IPO7: variants seen among roughly 807,000 people sequenced by gnomAD.
IPO7 encodes importin-7.
In IPO7, 13 loss-of-function variants were observed where a neutral mutation model predicts 136.4. That is an observed-to-expected ratio of 0.10 (90% confidence interval 0.06 to 0.15). The LOEUF (loss-of-function observed/expected upper bound fraction) is 0.15. Among genes scored for constraint, IPO7 ranks in the 10% least tolerant of loss-of-function variants. IPO7 has a pLI of 1.00. For missense variants in IPO7, 857 were observed against 1,240.6 expected, an observed-to-expected ratio of 0.69 and a Z score of 4.65; for synonymous variants, 403 against 404.4, an observed-to-expected ratio of 1.00 and a Z score of 0.04.
In IPO7 at chr11:9,429,042, A is replaced by G. The variant is rs776625073; in HGVS notation, c.1437A>G (p.Val479=). The part of the protein sequence containing the change: ...LGYMRARACW[V]LHYFCEVKFK... ...TGTTTTTACAAAAGGCTTGCTGGGTACTTCACTATTTTTGTGAAGTGAAGT... is the reference window on the plus strand; with the variant it reads ...TGTTTTTACAAAAGGCTTGCTGGGTGCTTCACTATTTTTGTGAAGTGAAGT... The change falls in exon 14 of 25, where the codon GTA becomes GTG. Residue 479 remains valine, a synonymous_variant. Transcript: ENST00000379719. 1.2e-6 allele frequency: 2 copies of G among 1,613,678 alleles called. No homozygotes were observed. Among genetic ancestry groups the G allele is most frequent in the African/African-American group, 1.3e-5 (1 of 75,036 alleles).
intron 16 of IPO7, 130 bp downstream of exon 16, chr11:9,431,133 T>C: frequency 1.7e-6 from 1 of 600,638 alleles, no homozygotes; most frequent in Non-Finnish European, 2.8e-6. Flanking sequence ...GATTGGTACA[T>C]TATATTTTAA....
chr11:9,434,990 G>A lies in IPO7; in HGVS notation c.2131G>A (p.Asp711Asn). The change falls in exon 19 of 25, where the codon GAC (aspartate) becomes AAC (asparagine). Residue 711 changes from aspartate (D) to asparagine (N), a missense_variant. Asp to Asn is a conservative substitution (Grantham distance 23). Around this residue, in one of 11 missense-constraint regions of IPO7, gnomAD observed 190 missense variants for 249.0 expected, o/e 0.76. Coordinates refer to ENST00000379719, the MANE Select transcript of IPO7 (RefSeq NM_006391.3). The stretch of plus-strand genomic sequence containing the variant: ...AGTTGATACAGACACACTTCTGTCT[G>A]ACACCAAGTATCTTGAAATGATATA... The part of the protein sequence containing the change: ...VTVDTDTLLS[D>N]TKYLEMIYSM... 6.2e-7 allele frequency: 1 copy of A among 1,608,684 alleles called. No individual in the cohort carries two copies. The highest frequency in any genetic ancestry group is 1.1e-5 in the South Asian group (1 of 90,928).
Position 9,414,375 on chromosome 11 carries a change from G to A in IPO7, c.600G>A (p.Gln200=). ...AGTCTGATCAGTCTGTCCTCATCCA[G>A]AAACAGATATTCAAGATCTTCTATG... The part of the protein sequence containing the change: ...SDQSDQSVLI[Q]KQIFKIFYAL... Residue 200 remains glutamine (Q), a synonymous_variant, in exon 5 of 25, where the codon CAG becomes CAA. Coordinates refer to ENST00000379719, the MANE Select transcript of IPO7 (RefSeq NM_006391.3). 6.2e-7 allele frequency: 1 copy of A among 1,610,498 alleles called. No homozygotes were observed. The highest frequency in any genetic ancestry group is 1.1e-5 in the South Asian group (1 of 90,544).
At chr11:9,408,220 TAAA>T (rs34260285) in intron 2 of IPO7, among the ~76,000 whole-genome samples, 1 of 150,992 alleles carries the variant, frequency 6.6e-6, no homozygotes, top group African/African-American at 2.4e-5. Flanking sequence ...GTTGTGACGT[TAAA>T]AAAAAACAGT....
intron 12 of IPO7, among the ~76,000 whole-genome samples, chr11:9,427,138 C>T (rs1855221432): frequency 6.6e-6 from 1 of 152,228 alleles, no homozygotes; most frequent in Non-Finnish European, 1.5e-5. Context: ...GCGTGAGCCA[C>T]TGTGCCTGGC....
intron 12 of IPO7, among the ~76,000 whole-genome samples, chr11:9,425,946 T>G (rs1448090320): frequency 6.6e-6 from 1 of 151,414 alleles, no homozygotes; most frequent in Non-Finnish European, 1.5e-5. Context: ...CTTAGGAGGC[T>G]GAGGCAGGAG....
chr11:9,429,279 CT>C, intron 14 of IPO7, 83 bp downstream of exon 14: 1 of 1,179,572 alleles, frequency 8.5e-7, no homozygotes, highest in Non-Finnish European at 1.2e-6. Flanking sequence ...CTTCGGTAGG[CT>C]TAGGTGGGAA....
rs1855530701 is a variant in IPO7, at chr11:9,446,504, G to GCTTGCTTCCCTCT, written c.*1314_*1326dup. ...GCAAAAAGATACTGTAGAGAGGTTGGCTTGCTTCCCTCTCTTCCTAACTGC... is the reference window on the plus strand; with the variant it reads ...GCAAAAAGATACTGTAGAGAGGTTGGCTTGCTTCCCTCTCTTGCTTCCCTCTCTTCCTAACTGC... On this transcript the variant is annotated 3_prime_UTR_variant, in exon 25 of 25. Transcript: ENST00000379719. The GCTTGCTTCCCTCT allele has an allele frequency of 6.6e-6, 1 of 152,244 alleles. No individual in the cohort carries two copies. The highest frequency in any genetic ancestry group is 6.5e-5 in the Admixed American group (1 of 15,284). The allele number at this position is 152,244 out of a possible 1,614,324, so 9.4% of individuals were successfully genotyped here.
intron 23 of IPO7, among the ~76,000 whole-genome samples, chr11:9,441,697 G>A (rs1190424692): frequency 6.6e-6 from 1 of 152,122 alleles, no homozygotes; most frequent in Non-Finnish European, 1.5e-5. Context: ...CCTAACACGG[G>A]GCCCATGTAC....
intron 24 of IPO7, among the ~76,000 whole-genome samples, chr11:9,443,235 A>G (rs1207201648): frequency 6.6e-6 from 1 of 151,902 alleles, no homozygotes; most frequent in African/African-American, 2.4e-5. Flanking sequence ...GTTGAAGACT[A>G]CTTTCAGTTT....
chr11:9,409,905 T>A, intron 3 of IPO7, 23 bp from the exon 4 acceptor site: 1 of 1,495,456 alleles, frequency 6.7e-7, no homozygotes, highest in Non-Finnish European at 8.9e-7. Flanking sequence ...ATTTTTTCCT[T>A]ACTGTTTTTT....
Position 9,414,456 on chromosome 11 carries a change from C to T in IPO7, c.636+45C>T, listed in dbSNP as rs766912002. The T allele has an allele frequency of 4.0e-6, 5 of 1,238,084 alleles. No homozygotes were observed. In the African/African-American group the frequency reaches 6.2e-5, roughly 15 times the overall value. 76.7% of individuals were successfully genotyped at this position (1,238,084 alleles called of 1,614,324 possible). ...TTTTATGCATAAAAAGTTAGTCTGT[C>T]ATTTACCGTGTTAAAAATTAACAAA... On this transcript the variant is annotated intron_variant, in intron 5 of 24. Coordinates refer to ENST00000379719, the MANE Select transcript of IPO7 (RefSeq NM_006391.3).
At chr11:9,415,565 G>A (rs752330248) in intron 5 of IPO7, among the ~76,000 whole-genome samples, 2 of 151,936 alleles carry the variant, frequency 1.3e-5, no homozygotes, top group African/African-American at 4.8e-5. Flanking sequence ...GGGGCCGGGC[G>A]TGATGGCTCA....
chr11:9,433,714 C>G lies in IPO7; in HGVS notation c.1949-7C>G. The G allele has an allele frequency of 1.2e-6, 2 of 1,612,836 alleles. No individual in the cohort carries two copies. Among genetic ancestry groups the G allele is most frequent in the Admixed American group, 1.7e-5 (1 of 59,998 alleles). On this transcript the variant is annotated splice_region_variant and splice_polypyrimidine_tract_variant and intron_variant, in intron 17 of 24. Coordinates refer to ENST00000379719, the MANE Select transcript of IPO7 (RefSeq NM_006391.3). ...CATTTTCCTAATGACTTAGTATTCT[C>G]TTTTAGAATTCTATGAGGAGATCTT...
intron 15 of IPO7, among the ~76,000 whole-genome samples, chr11:9,430,120 C>T: frequency 6.6e-6 from 1 of 152,110 alleles, no homozygotes; most frequent in East Asian, 1.9e-4. Context: ...GTGAGAATTT[C>T]CGGCAGTAAT....
At chr11:9,397,358 A>ATATATATATATATATATATATATATG in intron 1 of IPO7, among the ~76,000 whole-genome samples, 1 of 66,874 alleles carries the variant, frequency 1.5e-5, no homozygotes, top group African/African-American at 6.4e-5. Context: ...ATATATATAT[A>ATATATATATATATATATATATATATG]TATATATTAG....
At chr11:9,436,697 T>C (rs1463361557) in intron 20 of IPO7, among the ~76,000 whole-genome samples, 1 of 149,896 alleles carries the variant, frequency 6.7e-6, no homozygotes, top group Non-Finnish European at 1.5e-5. Flanking sequence ...TTTTTGTTTT[T>C]TTTGAGTGAG....
chr11:9,414,409 C>G lies in IPO7; in HGVS notation c.634C>G (p.Gln212Glu). The change falls in exon 5 of 25, where the codon CAG (glutamine) becomes GAG (glutamate). Residue 212 changes from glutamine (Q) to glutamate (E), a missense_variant and splice_region_variant. Physicochemically the swap from Gln to Glu is conservative, Grantham distance 29. This residue lies in a region of IPO7 where 287 missense variants were observed against 307.5 expected (regional missense o/e 0.93). Transcript: ENST00000379719. ...ATTCAAGATCTTCTATGCTCTTGTT[C>G]AGGTAATATCTGTGAAGCAGTTTTT... The part of the protein sequence containing the change: ...QIFKIFYALV[Q>E]YTLPLELINQ... 1 of 1,581,956 alleles carries G rather than the reference C, an allele frequency of 6.3e-7. No homozygotes were observed. The highest frequency in any genetic ancestry group is 8.6e-7 in the Non-Finnish European group (1 of 1,165,276).
intron 14 of IPO7, 26 bp downstream of exon 14, chr11:9,429,222 A>G (rs745538430): frequency 2.5e-6 from 4 of 1,599,642 alleles, no homozygotes; most frequent in African/African-American, 2.7e-5. Flanking sequence ...ATGTCAAGAA[A>G]AGTGAATGTT....
Sources: gnomAD v4.1 joint callset for allele counts (sites outside exome capture counted in the v4.1 genomes callset) on GRCh38, gnomAD v4.1.1 for gene constraint, gnomAD v4.1.1 regional missense constraint, MANE v1.5 for transcripts, NCBI Gene and HGNC (gene_info 2026-07-23, HGNC 2026-07-21) for gene names.